The following UQCC6 variants were observed in gnomAD, a reference collection of about 807,000 sequenced individuals.
UQCC6 encodes the protein protein BRAWNIN.
the UQCC6 span, among the ~76,000 whole-genome samples, chr12:103,957,872 A>G: frequency 1.4e-5 from 2 of 141,032 alleles, no homozygotes; most frequent in African/African-American, 5.5e-5. Context: ...GCAAGATGGC[A>G]AGACTCCATC....
the UQCC6 span, among the ~76,000 whole-genome samples, chr12:103,963,698 A>G: frequency 6.6e-6 from 1 of 152,088 alleles, no homozygotes; most frequent in Admixed American, 6.5e-5. Flanking sequence ...TAAATATTTC[A>G]TATTTTTGAT....
the UQCC6 span, chr12:103,957,080 G>C: frequency 3.2e-6 from 1 of 313,164 alleles, no homozygotes; most frequent in Non-Finnish European, 6.2e-6. Flanking sequence ...TCTTGGAGGA[G>C]AGGAACTGTG....
chr12:103,952,479 G>C, the UQCC6 span, among the ~76,000 whole-genome samples: 1 of 152,106 alleles, frequency 6.6e-6, no homozygotes, highest in African/African-American at 2.4e-5. Flanking sequence ...ATACTGCTCT[G>C]AACATTCATA....
the UQCC6 span, among the ~76,000 whole-genome samples, chr12:103,958,771 C>T: frequency 6.6e-6 from 1 of 152,174 alleles, no homozygotes; most frequent in Non-Finnish European, 1.5e-5. Context: ...AAAAAAAACA[C>T]TGTAAGCCTT....
At chr12:103,963,462 C>G in the UQCC6 span, among the ~76,000 whole-genome samples, 1 of 152,138 alleles carries the variant, frequency 6.6e-6, no homozygotes, top group Non-Finnish European at 1.5e-5. Context: ...TAGATCTTTG[C>G]ATTTCCATAT....
chr12:103,952,186 T>G, the UQCC6 span, among the ~76,000 whole-genome samples: 1 of 152,312 alleles, frequency 6.6e-6, no homozygotes, highest in African/African-American at 2.4e-5. Flanking sequence ...GTCACTTTCA[T>G]TTCCATACAA....
chr12:103,956,704 T>G, the UQCC6 span: 2 of 1,551,620 alleles, frequency 1.3e-6, no homozygotes, highest in Non-Finnish European at 1.7e-6. Context: ...TGCGAACATT[T>G]TCAGGTAGGT....
chr12:103,955,778 C>G, the UQCC6 span: 1 of 455,998 alleles, frequency 2.2e-6, no homozygotes, highest in South Asian at 1.5e-5. Context: ...ACACCTATAG[C>G]ATAACAGCAC....
At chr12:103,952,283 T>A in the UQCC6 span, among the ~76,000 whole-genome samples, 2 of 152,228 alleles carry the variant, frequency 1.3e-5, no homozygotes, top group African/African-American at 4.8e-5. Flanking sequence ...ATAAATGGAA[T>A]CATATAATAT....
At chr12:103,960,430 A>AACC in the UQCC6 span, among the ~76,000 whole-genome samples, 7 of 152,142 alleles carry the variant, frequency 4.6e-5, no homozygotes, top group African/African-American at 1.7e-4. Flanking sequence ...AGACATCCCC[A>AACC]ACCAGTTCCT....
chr12:103,953,968 C>T, the UQCC6 span, among the ~76,000 whole-genome samples: 1 of 152,244 alleles, frequency 6.6e-6, no homozygotes, highest in Admixed American at 6.5e-5. Flanking sequence ...TTTGTCTCCA[C>T]TAGGTATTCT....
chr12:103,952,274 T>C, the UQCC6 span, among the ~76,000 whole-genome samples: 943 of 152,346 alleles, frequency 6.2e-3, 13 homozygotes, highest in African/African-American at 0.021. Context: ...ATATTTTCTA[T>C]AAATGGAATC....
At chr12:103,961,581 G>A in the UQCC6 span, among the ~76,000 whole-genome samples, 1 of 151,728 alleles carries the variant, frequency 6.6e-6, no homozygotes, top group Non-Finnish European at 1.5e-5. Context: ...TTTTGAGACA[G>A]AGTCTCGCTC....
the UQCC6 span, chr12:103,950,212 C>T: frequency 6.6e-6 from 1 of 152,132 alleles, no homozygotes; most frequent in African/African-American, 2.4e-5. Context: ...TAATATAGTA[C>T]TGCCTTTAAT....
At chr12:103,955,152 T>G in the UQCC6 span, among the ~76,000 whole-genome samples, 1 of 150,706 alleles carries the variant, frequency 6.6e-6, no homozygotes, top group Non-Finnish European at 1.5e-5. Flanking sequence ...CCATATCTAC[T>G]AAAAAATAGA....
the UQCC6 span, among the ~76,000 whole-genome samples, chr12:103,963,730 T>C: frequency 6.6e-6 from 1 of 152,226 alleles, no homozygotes; most frequent in Non-Finnish European, 1.5e-5. Flanking sequence ...TGGTATTTTT[T>C]CTAATTGTTT....
At chr12:103,962,651 CAA>C in the UQCC6 span, among the ~76,000 whole-genome samples, 5 of 152,080 alleles carry the variant, frequency 3.3e-5, no homozygotes, top group Non-Finnish European at 7.4e-5. Context: ...CCCACTGACC[CAA>C]AAGTTACCTC....
At chr12:103,960,882 T>C in the UQCC6 span, among the ~76,000 whole-genome samples, 1 of 152,194 alleles carries the variant, frequency 6.6e-6, no homozygotes, top group East Asian at 1.9e-4. Flanking sequence ...TACTTGATAA[T>C]AAAATGTTAC....
At chr12:103,959,951 T>C in the UQCC6 span, among the ~76,000 whole-genome samples, 3 of 151,472 alleles carry the variant, frequency 2.0e-5, no homozygotes, top group African/African-American at 4.8e-5. Context: ...TTTTTTGTAT[T>C]TTTAGTAGAG....
Sources: allele counts gnomAD v4.1 joint callset (sites outside exome capture counted in the v4.1 genomes callset), GRCh38; gene constraint gnomAD v4.1.1; transcripts MANE v1.5; gene names NCBI Gene and HGNC (gene_info 2026-07-23, HGNC 2026-07-21).